SQLE: variants seen among roughly 807,000 people sequenced by gnomAD.
SQLE encodes squalene epoxidase.
A neutral mutation model predicts 60.7 loss-of-function variants in SQLE; 29 were observed. The observed-to-expected ratio is 0.48, with a 90% CI of 0.36 to 0.65. SQLE has a LOEUF of 0.65. SQLE is among the 30% of genes least tolerant of loss of function. The probability of loss-of-function intolerance (pLI) is 0.00; values close to 1 mark genes in which losing one functional copy is unlikely to be tolerated. For missense variants in SQLE, 605 were observed against 684.1 expected (o/e 0.88, Z 1.29); for synonymous variants, 237 against 246.8 (o/e 0.96, Z 0.37).
At chr8:125,020,339 CTT>C (rs1815183126) in intron 9 of SQLE, among the ~76,000 whole-genome samples, 1 of 152,158 alleles carries the variant, frequency 6.6e-6, no homozygotes, top group Non-Finnish European at 1.5e-5. Context: ...GTATTAAAAA[CTT>C]TATAGATATA....
chr8:125,013,663 A>G (rs1026110419), intron 7 of SQLE, among the ~76,000 whole-genome samples: 67 of 151,896 alleles, frequency 4.4e-4, no homozygotes, highest in African/African-American at 1.5e-3. Context: ...TGTTACTCCT[A>G]TATTTTCTTC....
At chr8:125,001,564 C>G (rs935918261) in intron 1 of SQLE, among the ~76,000 whole-genome samples, 3 of 150,306 alleles carry the variant, frequency 2.0e-5, no homozygotes, top group African/African-American at 7.4e-5. Flanking sequence ...TTGCCCCCTA[C>G]AGTAATTTAA....
intron 1 of SQLE, chr8:124,999,991 CTT>C (rs1373998870): frequency 1.8e-6 from 1 of 570,168 alleles, no homozygotes; most frequent in Admixed American, 2.2e-5. Flanking sequence ...AGAACAACCA[CTT>C]TCCATGATGA....
At position 125,021,785 on chromosome 8, in the gene SQLE, ACTT is replaced by A. The variant is rs1167356180; in HGVS notation, c.1569_1571del (p.Phe524del). On this transcript the variant is annotated inframe_deletion, in exon 11 of 11. Transcript: ENST00000265896. ...CCTAACCCTCTAGTTTTAATTGGACACTTCTTTGCTGTTGCAATCTATGCCGTG... is the reference window on the plus strand; with the variant it reads ...CCTAACCCTCTAGTTTTAATTGGACACTTTGCTGTTGCAATCTATGCCGTG... 4 of 1,607,414 alleles carry A rather than the reference ACTT, an allele frequency of 2.5e-6. No individual in the cohort carries two copies. The highest frequency in any genetic ancestry group is 3.4e-6 in the Non-Finnish European group (4 of 1,176,618).
At chr8:125,008,248 T>G (rs913095330) in intron 4 of SQLE, among the ~76,000 whole-genome samples, 3 of 152,056 alleles carry the variant, frequency 2.0e-5, no homozygotes, top group African/African-American at 7.2e-5. Flanking sequence ...CTTCACCGCA[T>G]CCGGCTAATT....
At chr8:125,015,749 T>C (rs912321819) in intron 7 of SQLE, among the ~76,000 whole-genome samples, 3 of 152,252 alleles carry the variant, frequency 2.0e-5, no homozygotes, top group African/African-American at 7.2e-5. Flanking sequence ...TCTTTTAGAT[T>C]GAAGAACTCA....
chr8:125,017,179 A>G (rs973262799), intron 7 of SQLE, among the ~76,000 whole-genome samples: 2 of 151,998 alleles, frequency 1.3e-5, no homozygotes, highest in Non-Finnish European at 2.9e-5. Flanking sequence ...AAATCCAGCC[A>G]GGCTTGTGCC....
At chr8:125,019,454 G>A (rs185663044) in intron 9 of SQLE, among the ~76,000 whole-genome samples, 3 of 143,536 alleles carry the variant, frequency 2.1e-5, no homozygotes, top group Non-Finnish European at 4.5e-5. Flanking sequence ...GCATGGTGGC[G>A]TGTGCCTGTA....
intron 7 of SQLE, chr8:125,017,841 C>T: frequency 1.8e-6 from 1 of 546,198 alleles, no homozygotes. Flanking sequence ...TTGTTATTAC[C>T]ATATCCCCAG....
intron 4 of SQLE, 52 bp downstream of exon 4, chr8:125,007,539 T>G: frequency 7.8e-7 from 1 of 1,274,804 alleles, no homozygotes; most frequent in East Asian, 2.6e-5. Flanking sequence ...TTTTCCTGCT[T>G]TTTCACTTAC....
rs1814800294 is a variant in SQLE at position 124,999,252 on chromosome 8, G to T, written c.-152G>T. On this transcript the variant is annotated 5_prime_UTR_variant, in exon 1 of 11. Coordinates refer to ENST00000265896, the MANE Select transcript of SQLE (RefSeq NM_003129.4). ...AACTTTATATGATTTTTAAAAACTGGTCTGATCGGACTTCTCGTCCTGGGA... is the reference window on the plus strand; with the variant it reads ...AACTTTATATGATTTTTAAAAACTGTTCTGATCGGACTTCTCGTCCTGGGA... The T allele has an allele frequency of 3.2e-6, 2 of 634,194 alleles. No homozygotes were observed. The highest frequency in any genetic ancestry group is 4.3e-5 in the Admixed American group (1 of 23,394). 39.3% of individuals were successfully genotyped at this position (634,194 alleles called of 1,614,324 possible). A position where few individuals can be genotyped will look rare whatever the true frequency, so the allele number is the denominator to read the frequency against.
rs1195164088 is a variant in SQLE, at chr8:124,998,593, G to T, written c.-811G>T. On this transcript the variant is annotated 5_prime_UTR_variant, in exon 1 of 11. Coordinates refer to ENST00000265896, the MANE Select transcript of SQLE (RefSeq NM_003129.4). Reference sequence around the variant, plus strand: ...GCCGCGCTGGCGAGAGCCGCCGCCCGCGAGGGATGCTGGTGAGGAAGCCGT... The same window carrying T: ...GCCGCGCTGGCGAGAGCCGCCGCCCTCGAGGGATGCTGGTGAGGAAGCCGT... 1 of 685,336 alleles carries T rather than the reference G, an allele frequency of 1.5e-6. No homozygotes were observed. Among genetic ancestry groups the T allele is most frequent in the East Asian group, 2.9e-5 (1 of 34,902 alleles). The allele number at this position is 685,336 out of a possible 1,614,324, so 42.5% of individuals were successfully genotyped here. A position where few individuals can be genotyped will look rare whatever the true frequency, so the allele number is the denominator to read the frequency against.
intron 7 of SQLE, among the ~76,000 whole-genome samples, 200 bp downstream of exon 7, chr8:125,011,832 A>G (rs2129895761): frequency 6.6e-6 from 1 of 151,250 alleles, no homozygotes; most frequent in South Asian, 2.1e-4. Context: ...TAGTCAGGGA[A>G]ACAACAGGTA....
intron 3 of SQLE, among the ~76,000 whole-genome samples, chr8:125,006,936 C>CACAA (rs765954859): frequency 4.4e-4 from 67 of 152,080 alleles, no homozygotes; most frequent in Non-Finnish European, 8.2e-4. Flanking sequence ...ATCTCCTGAC[C>CACAA]TTGTGATCCG....
At chr8:125,018,792 A>C in intron 9 of SQLE, 65 bp downstream of exon 9, 6 of 1,060,224 alleles carry the variant, frequency 5.7e-6, no homozygotes, top group Non-Finnish European at 8.2e-6. Flanking sequence ...GAAAGGAATA[A>C]ACAAGTTAGT....
In SQLE at chr8:124,999,145, T is replaced by A. The variant is rs948642136; in HGVS notation, c.-259T>A. The stretch of plus-strand genomic sequence containing the variant: ...TTTCCTGGGCGAGGAGGAGCGAGTC[T>A]GCTCGGGAGCTGTTCCAGCAGGCGA... On this transcript the variant is annotated 5_prime_UTR_variant, in exon 1 of 11. Transcript: ENST00000265896. 1 of 381,182 alleles carries A rather than the reference T, an allele frequency of 2.6e-6. No individual in the cohort carries two copies. The highest frequency in any genetic ancestry group is 4.5e-5 in the Admixed American group (1 of 22,092). The allele number at this position is 381,182 out of a possible 1,614,324, so 23.6% of individuals were successfully genotyped here. A position where few individuals can be genotyped will look rare whatever the true frequency, so the allele number is the denominator to read the frequency against.
Position 124,998,580 on chromosome 8 carries a change from A to G in SQLE, c.-824A>G, listed in dbSNP as rs1374452294. 9 of 685,534 alleles carry G rather than the reference A, an allele frequency of 1.3e-5. No individual in the cohort carries two copies. In the African/African-American group the frequency reaches 1.4e-4, roughly 11 times the overall value. 42.5% of individuals were successfully genotyped at this position (685,534 alleles called of 1,614,324 possible). On this transcript the variant is annotated 5_prime_UTR_variant, in exon 1 of 11. Transcript: ENST00000265896. ...TTACTGGGGCCGCGCCGCGCTGGCG[A>G]GAGCCGCCGCCCGCGAGGGATGCTG...
At chr8:125,018,304 G>GCTTTATA in intron 8 of SQLE, 103 bp downstream of exon 8, 1 of 1,180,748 alleles carries the variant, frequency 8.5e-7, no homozygotes, top group Non-Finnish European at 1.2e-6. Context: ...GGAACCTGAT[G>GCTTTATA]CTTTATAATA....
At chr8:125,001,354 T>C (rs891858134) in intron 1 of SQLE, among the ~76,000 whole-genome samples, 1 of 151,984 alleles carries the variant, frequency 6.6e-6, no homozygotes, top group Non-Finnish European at 1.5e-5. Flanking sequence ...AGGGAGTTGT[T>C]AGATTGTGAT....
Sources: gnomAD v4.1 joint callset for allele counts (sites outside exome capture counted in the v4.1 genomes callset) on GRCh38, gnomAD v4.1.1 for gene constraint, MANE v1.5 for transcripts, NCBI Gene and HGNC (gene_info 2026-07-23, HGNC 2026-07-21) for gene names.